MBTD1: variants seen among roughly 807,000 people sequenced by gnomAD.
MBTD1 encodes the protein mbt domain containing 1, also known as MBT domain-containing protein 1.
Under a neutral mutation model 87.8 loss-of-function variants are expected in MBTD1, and 24 were observed. The observed-to-expected ratio is 0.27, with a 90% CI of 0.20 to 0.38. The LOEUF (loss-of-function observed/expected upper bound fraction) is 0.38, where lower values mean the gene tolerates loss of function less well. Among genes scored for constraint, MBTD1 ranks in the 10% least tolerant of loss-of-function variants. The pLI is 1.00. For synonymous variants in MBTD1, 237 were observed against 248.6 expected (o/e 0.95, Z 0.44); for missense variants, 436 against 760.2 (o/e 0.57, Z 5.02).
Position 51,202,846 on chromosome 17 carries a change from C to A in MBTD1, c.918G>T (p.Val306=). 6.2e-7 allele frequency: 1 copy of A among 1,614,122 alleles called. No homozygotes were observed. Among genetic ancestry groups the A allele is most frequent in the Non-Finnish European group, 8.5e-7 (1 of 1,180,024 alleles). ...KRHLCRTRVA[V]VESVIGGRLR... Reference sequence around the variant, plus strand: ...ATCTTCCTCCAATTACACTTTCCACCACTGCTACTCGTGTTCGACACAAAT... The same window carrying A: ...ATCTTCCTCCAATTACACTTTCCACAACTGCTACTCGTGTTCGACACAAAT... Residue 306 remains valine, a synonymous_variant, in exon 10 of 17, where the codon GTG becomes GTT. Transcript: ENST00000586178.
chr17:51,188,061 A>T (rs2050628431), intron 16 of MBTD1, among the ~76,000 whole-genome samples: 1 of 152,202 alleles, frequency 6.6e-6, no homozygotes, highest in African/African-American at 2.4e-5. Flanking sequence ...GAGTAGATTC[A>T]ACTCTCAAGA....
At chr17:51,247,332 T>C (rs1466188142) in intron 2 of MBTD1, among the ~76,000 whole-genome samples, 1 of 152,214 alleles carries the variant, frequency 6.6e-6, no homozygotes, top group Non-Finnish European at 1.5e-5. Context: ...ATTTTTGTAA[T>C]ATAGTGTGAG....
chr17:51,223,071 TG>T (rs1312967406), intron 3 of MBTD1, among the ~76,000 whole-genome samples: 6 of 151,888 alleles, frequency 4.0e-5, no homozygotes, highest in African/African-American at 1.5e-4. Flanking sequence ...CCCAAAGTGC[TG>T]GGATTACAGG....
At chr17:51,231,234 C>T (rs551264127) in intron 2 of MBTD1, among the ~76,000 whole-genome samples, 1 of 152,156 alleles carries the variant, frequency 6.6e-6, no homozygotes, top group South Asian at 2.1e-4. Context: ...CCAGCCCGGC[C>T]AGACCTTTTA....
chr17:51,231,590 T>C (rs996669122), intron 2 of MBTD1, among the ~76,000 whole-genome samples: 1 of 152,182 alleles, frequency 6.6e-6, no homozygotes, highest in Admixed American at 6.5e-5. Flanking sequence ...CTTTTAGGAC[T>C]GTTTTAGAGA....
chr17:51,222,995 G>A (rs1023191219), intron 3 of MBTD1, among the ~76,000 whole-genome samples: 6 of 151,294 alleles, frequency 4.0e-5, no homozygotes, highest in African/African-American at 1.2e-4. Flanking sequence ...TCGCAGAGAC[G>A]GGGTTTCACC....
chr17:51,212,729 T>A (rs2052319943), intron 6 of MBTD1, among the ~76,000 whole-genome samples: 1 of 152,170 alleles, frequency 6.6e-6, no homozygotes, highest in Admixed American at 6.5e-5. Flanking sequence ...TTTAAGTAAT[T>A]AAAAAATAAT....
At position 51,202,723 on chromosome 17, in the gene MBTD1, T is replaced by C; in HGVS notation, c.1041A>G (p.Ile347Met). The change falls in exon 10 of 17, where the codon ATA becomes ATG. Residue 347 changes from isoleucine (I) to methionine (M), a missense_variant. Physicochemically the swap from Ile to Met is conservative, Grantham distance 10. Coordinates refer to ENST00000586178, the MANE Select transcript of MBTD1 (RefSeq NM_017643.3). ...TACCAGATCTTTTGAATCGATGACCTATGCTTCGAGACCAACCAATATGAT... is the reference window on the plus strand; with the variant it reads ...TACCAGATCTTTTGAATCGATGACCCATGCTTCGAGACCAACCAATATGAT... ...LIHHIGWSRS[I>M]GHRFKRSDIT... The C allele has an allele frequency of 6.2e-7, 1 of 1,614,052 alleles. No homozygotes were observed. Among genetic ancestry groups the C allele is most frequent in the South Asian group, 1.1e-5 (1 of 91,090 alleles).
chr17:51,237,795 A>G (rs536655596), intron 2 of MBTD1, among the ~76,000 whole-genome samples: 182 of 152,310 alleles, frequency 1.2e-3, no homozygotes, highest in African/African-American at 3.9e-3. Context: ...CCACTCATAT[A>G]TATCTGCGAG....
At chr17:51,224,976 C>T in intron 3 of MBTD1, 32 bp downstream of exon 3, 2 of 1,404,914 alleles carry the variant, frequency 1.4e-6, no homozygotes, top group Non-Finnish European at 1.9e-6. Flanking sequence ...AAACATAAAG[C>T]TGTAGAACAG....
intron 2 of MBTD1, among the ~76,000 whole-genome samples, chr17:51,241,015 T>G (rs2054135079): frequency 6.6e-6 from 1 of 152,038 alleles, no homozygotes; most frequent in Non-Finnish European, 1.5e-5. Flanking sequence ...TCTCCCAGGC[T>G]GCACCCAGGC....
At chr17:51,187,705 C>T (rs2050603401) in intron 16 of MBTD1, among the ~76,000 whole-genome samples, 1 of 151,858 alleles carries the variant, frequency 6.6e-6, no homozygotes, top group African/African-American at 2.4e-5. Flanking sequence ...CAAAAATTAG[C>T]CGTAAGTAGT....
In MBTD1 at chr17:51,259,904, C is replaced by T; in HGVS notation, c.-182G>A. The T allele has an allele frequency of 8.1e-7, 1 of 1,231,662 alleles. No homozygotes were observed. Among genetic ancestry groups the T allele is most frequent in the Non-Finnish European group, 1.0e-6 (1 of 987,606 alleles). The allele number at this position is 1,231,662 out of a possible 1,614,324, so 76.3% of individuals were successfully genotyped here. On this transcript the variant is annotated 5_prime_UTR_variant, in exon 1 of 17. Transcript: ENST00000586178. ...TCCGTGCTCCCCGAGCCCGCGGCGC[C>T]CCCTCCCCGGGCTGGGGGCAGGTGC...
upstream of MBTD1, chr17:51,260,518 CGA>C: frequency 1.3e-6 from 2 of 1,487,962 alleles, no homozygotes; most frequent in Non-Finnish European, 1.8e-6. Context: ...CGGCGGCCCG[CGA>C]GGGGCCTGGG....
intron 12 of MBTD1, among the ~76,000 whole-genome samples, chr17:51,197,059 T>TGGAGG: frequency 1.6e-3 from 1 of 608 alleles, no homozygotes; most frequent in Non-Finnish European, 3.1e-3. Context: ...TATATATATA[T>TGGAGG]ATATATATAT....
At chr17:51,214,543 T>C (rs949576297) in intron 6 of MBTD1, among the ~76,000 whole-genome samples, 1 of 152,166 alleles carries the variant, frequency 6.6e-6, no homozygotes, top group African/African-American at 2.4e-5. Flanking sequence ...AGAAAGTATT[T>C]ATCTGGGATC....
chr17:51,208,303 G>A (rs564513645), intron 6 of MBTD1, among the ~76,000 whole-genome samples: 1 of 152,332 alleles, frequency 6.6e-6, no homozygotes, highest in African/African-American at 2.4e-5. Flanking sequence ...GTAACTTGGA[G>A]AAATGGACAA....
At chr17:51,222,525 C>G (rs2052967172) in intron 3 of MBTD1, among the ~76,000 whole-genome samples, 1 of 152,122 alleles carries the variant, frequency 6.6e-6, no homozygotes. Flanking sequence ...CTGCCTCAGC[C>G]TCCTGAGTAG....
chr17:51,180,734 T>C, intron 16 of MBTD1, 40 bp from the exon 17 acceptor site: 1 of 1,053,558 alleles, frequency 9.5e-7, no homozygotes. Flanking sequence ...ATTAAGGCTC[T>C]CTAGAGTACT....
Sources: gnomAD v4.1 joint callset for allele counts (sites outside exome capture counted in the v4.1 genomes callset) on GRCh38, gnomAD v4.1.1 for gene constraint, MANE v1.5 for transcripts, NCBI Gene and HGNC (gene_info 2026-07-23, HGNC 2026-07-21) for gene names.